Variants in CYP11B2 observed in about 807,000 individuals in gnomAD.
The protein encoded by CYP11B2 is cytochrome P450 family 11 subfamily B member 2, also known as cytochrome P450 11B2, mitochondrial.
A neutral mutation model predicts 49.3 loss-of-function variants in CYP11B2; 38 were observed. That is an observed-to-expected ratio of 0.77 (90% CI 0.59 to 1.01). CYP11B2 has a LOEUF of 1.01. Among genes scored for constraint, CYP11B2 ranks in the 50% least tolerant of loss-of-function variants. The pLI is 0.00. For missense variants in CYP11B2, 669 were observed against 655.5 expected (o/e 1.02, Z -0.23); for synonymous variants, 290 against 269.3 (o/e 1.08, Z -0.75).
chr8:142,914,868 A>C lies in CYP11B2; in HGVS notation c.636T>G (p.Val212=). 6.2e-7 allele frequency: 1 copy of C among 1,613,738 alleles called. No homozygotes were observed. The highest frequency in any genetic ancestry group is 1.1e-5 in the South Asian group (1 of 91,048). ...GGCTGGCAGAACTGGGGCTGTGGCC[A>C]ACCAGGCCCAGCCGCTCTCCAAAAA... is the stretch of plus-strand genomic sequence containing the variant. ...LALFGERLGL[V]GHSPSSASLN... The change falls in exon 4 of 9, where the codon GTT becomes GTG. Residue 212 remains valine, a synonymous_variant. Coordinates refer to ENST00000323110, the MANE Select transcript of CYP11B2 (RefSeq NM_000498.3).
In CYP11B2 at chr8:142,914,796, C is replaced by A; in HGVS notation, c.708G>T (p.Gln236His). ...ACAGGCTCCTGGGCATGAACATGAG[C>A]TGGACGGTGGATTTGAACATGACCT... ...ALEVMFKSTVQLMFMPRSLSR... is the reference protein window; with the variant it reads ...ALEVMFKSTVHLMFMPRSLSR... The change falls in exon 4 of 9, where the codon CAG becomes CAT. Residue 236 changes from glutamine to histidine, a missense_variant. Transcript: ENST00000323110. 6.2e-7 allele frequency: 1 copy of A among 1,613,692 alleles called. No individual in the cohort carries two copies. The highest frequency in any genetic ancestry group is 8.5e-7 in the Non-Finnish European group (1 of 1,180,002).
chr8:142,911,518 T>G lies in CYP11B2; in HGVS notation c.*462A>C. 1 of 189,264 alleles carries G rather than the reference T, an allele frequency of 5.3e-6. No homozygotes were observed. The allele number at this position is 189,264 out of a possible 1,614,324, so 11.7% of individuals were successfully genotyped here. ...TGGGGTCAGGCTGCAGGAGGGAACT[T>G]GACTGGACTCTGAGATGCTGGGATC... is the stretch of plus-strand genomic sequence containing the variant. On this transcript the variant is annotated 3_prime_UTR_variant, in exon 9 of 9. Coordinates refer to ENST00000323110, the MANE Select transcript of CYP11B2 (RefSeq NM_000498.3).
rs2130326762 is a variant in CYP11B2, at chr8:142,913,407, G to A, written c.999C>T (p.Asn333=). ...LLMTLFELAR[N]PDVQQILRQE... ...GGCGCAGGATCTGCTGCACGTCGGG[G>A]TTCCGAGCCAGCTCAAAGAGCGTCA... The change falls in exon 6 of 9, where the codon AAC becomes AAT. Residue 333 remains asparagine, a synonymous_variant. Transcript: ENST00000323110. The A allele has an allele frequency of 1.9e-6, 3 of 1,613,984 alleles. No individual in the cohort carries two copies. The highest frequency in any genetic ancestry group is 2.2e-5 in the East Asian group (1 of 44,868).
At position 142,917,585 on chromosome 8, in the gene CYP11B2, G is replaced by T; in HGVS notation, c.239+17C>A. 6.2e-7 allele frequency: 1 copy of T among 1,613,988 alleles called. No homozygotes were observed. The highest frequency in any genetic ancestry group is 2.2e-5 in the East Asian group (1 of 44,880). Reference sequence around the variant, plus strand: ...AGGGATCTGGGTGTTCCCAGCGAGGGCCAGGGAGGGCTTTACCTGAAAATG... The same window carrying T: ...AGGGATCTGGGTGTTCCCAGCGAGGTCCAGGGAGGGCTTTACCTGAAAATG... On this transcript the variant is annotated intron_variant, in intron 1 of 8. Coordinates refer to ENST00000323110, the MANE Select transcript of CYP11B2 (RefSeq NM_000498.3).
At chr8:142,913,862 T>C (rs1173383901) in intron 5 of CYP11B2, 10 of 474,160 alleles carry the variant, frequency 2.1e-5, no homozygotes, top group Non-Finnish European at 4.2e-5. Flanking sequence ...TGCCCTCCCA[T>C]GCATCTACAT....
At chr8:142,913,784 T>TCCC (rs933321825) in intron 5 of CYP11B2, among the ~76,000 whole-genome samples, 2 of 152,106 alleles carry the variant, frequency 1.3e-5, no homozygotes, top group Non-Finnish European at 1.5e-5. Context: ...CATTGAGTTC[T>TCCC]CCCCACTGTG....
In CYP11B2 at chr8:142,910,673, G is replaced by T. The variant is rs984401179; in HGVS notation, c.*1307C>A. 6.6e-6 allele frequency: 1 copy of T among 152,142 alleles called. No individual in the cohort carries two copies. Among genetic ancestry groups the T allele is most frequent in the Non-Finnish European group, 1.5e-5 (1 of 68,046 alleles). The allele number at this position is 152,142 out of a possible 1,614,324, so 9.4% of individuals were successfully genotyped here. On this transcript the variant is annotated 3_prime_UTR_variant, in exon 9 of 9. Coordinates refer to ENST00000323110, the MANE Select transcript of CYP11B2 (RefSeq NM_000498.3). This position sits in a 1 kb window ranked among gnomAD's most constrained non-coding sequence, Gnocchi z 4.6. ...GCCATCTCTGAGGTCTGTGCACCTT[G>T]TTGCCCCCTTATTCCTTTCCCATGC...
In CYP11B2 at chr8:142,911,968, G is replaced by A; in HGVS notation, c.*12C>T. The A allele has an allele frequency of 6.2e-7, 1 of 1,613,952 alleles. No individual in the cohort carries two copies. Among genetic ancestry groups the A allele is most frequent in the Non-Finnish European group, 8.5e-7 (1 of 1,179,904 alleles). The stretch of plus-strand genomic sequence containing the variant: ...TGGTGGCCAGGCTGGGACCCTGGGT[G>A]CAGATGCAAGACTAGTTAATCGCTC... On this transcript the variant is annotated 3_prime_UTR_variant, in exon 9 of 9. Transcript: ENST00000323110.
rs1170607724 is a variant in CYP11B2, at chr8:142,914,422, T to C, written c.800-4A>G. On this transcript the variant is annotated splice_region_variant and splice_polypyrimidine_tract_variant and intron_variant, in intron 4 of 8. Transcript: ENST00000323110. ...ATTTTCTGGATACAGTTGTCACCTG[T>C]CCAGGGAGCAGGGGACAGCCCTCAG... is the stretch of plus-strand genomic sequence containing the variant. 1.9e-6 allele frequency: 3 copies of C among 1,609,586 alleles called. No individual in the cohort carries two copies. The highest frequency in any genetic ancestry group is 2.5e-6 in the Non-Finnish European group (3 of 1,177,304).
At chr8:142,914,683 C>G (rs1817607822) in intron 4 of CYP11B2, 22 bp downstream of exon 4, 1 of 1,573,750 alleles carries the variant, frequency 6.4e-7, no homozygotes, top group Non-Finnish European at 8.6e-7. Flanking sequence ...CCCCATAGCA[C>G]TGCCCGGGTC....
At chr8:142,914,502 A>T (rs1451175334) in intron 4 of CYP11B2, 84 bp from the exon 5 acceptor site, 9 of 1,477,914 alleles carry the variant, frequency 6.1e-6, no homozygotes, top group Admixed American at 5.8e-5. Context: ...GACTGCCCCG[A>T]CACCCAAATC....
chr8:142,913,274 C>T lies in CYP11B2; in HGVS notation c.1121+11G>A, dbSNP rs764420283. ...GGCCAGGGCCACAGGGAGGCCTCAGCCAGCACCCACCGCAAGGTCTCCTTG... is the reference window on the plus strand; with the variant it reads ...GGCCAGGGCCACAGGGAGGCCTCAGTCAGCACCCACCGCAAGGTCTCCTTG... On this transcript the variant is annotated intron_variant, in intron 6 of 8. Transcript: ENST00000323110. 2.2e-5 allele frequency: 35 copies of T among 1,612,662 alleles called. No individual in the cohort carries two copies. Among genetic ancestry groups the T allele is most frequent in the Non-Finnish European group, 2.6e-5 (31 of 1,179,766 alleles).
In CYP11B2 at chr8:142,913,450, G is replaced by C. The variant is rs1196030944; in HGVS notation, c.956C>G (p.Thr319Arg). 6.2e-7 allele frequency: 1 copy of C among 1,613,944 alleles called. No individual in the cohort carries two copies. Among genetic ancestry groups the C allele is most frequent in the Non-Finnish European group, 8.5e-7 (1 of 1,180,014 alleles). The change falls in exon 6 of 9, where the codon ACA becomes AGA. Residue 319 changes from threonine (T) to arginine (R), a missense_variant and splice_region_variant. Physicochemically the swap from Thr to Arg is moderately conservative, Grantham distance 71 (BLOSUM62 -1). Coordinates refer to ENST00000323110, the MANE Select transcript of CYP11B2 (RefSeq NM_000498.3). The stretch of plus-strand genomic sequence containing the variant: ...GAGCGTCATCAGCAAGGGAAACGCT[G>C]TCTACAGAAGCCATGTCTGCAGGGT... Reference protein sequence around the residue: ...MELTAGSVDTTAFPLLMTLFE... With the variant: ...MELTAGSVDTRAFPLLMTLFE...
chr8:142,911,663 T>G lies in CYP11B2; in HGVS notation c.*317A>C. 1.0e-5 allele frequency: 4 copies of G among 389,292 alleles called. No individual in the cohort carries two copies. The highest frequency in any genetic ancestry group is 1.9e-5 in the Non-Finnish European group (4 of 215,332). 24.1% of individuals were successfully genotyped at this position (389,292 alleles called of 1,614,324 possible). ...ATCACAGCACCCTTGCATGGCCTCA[T>G]GAGGAGCCTGGAGCCAGCGCTGGGA... On this transcript the variant is annotated 3_prime_UTR_variant, in exon 9 of 9. Transcript: ENST00000323110.
chr8:142,915,676 C>A (rs1328506385), intron 2 of CYP11B2, among the ~76,000 whole-genome samples: 1 of 130,806 alleles, frequency 7.6e-6, no homozygotes. Context: ...CTCCTCCCCA[C>A]CCTTCCCCGC....
At position 142,917,763 on chromosome 8, in the gene CYP11B2, A is replaced by C. The variant is rs201423805; in HGVS notation, c.78T>G (p.Thr26=). The C allele has an allele frequency of 4.0e-5, 65 of 1,614,186 alleles. No homozygotes were observed. The highest frequency in any genetic ancestry group is 4.2e-5 in the Non-Finnish European group (49 of 1,180,040). ...LSLQRARALG[T]RAARAPRTVL... ...CCGTCCTAGGGGCCCGAGCGGCTCT[A>C]GTGCCCAGTGCCCGTGCCCTTTGCA... is the stretch of plus-strand genomic sequence containing the variant. Residue 26 remains threonine, a synonymous_variant, in exon 1 of 9, where the codon ACT becomes ACG. Transcript: ENST00000323110.
At position 142,915,227 on chromosome 8, in the gene CYP11B2, G is replaced by A. The variant is rs369108075; in HGVS notation, c.414C>T (p.Arg138=). Residue 138 remains arginine (R), a synonymous_variant, in exon 3 of 9, where the codon CGC becomes CGT. Transcript: ENST00000323110. ...GVFLLNGPEW[R]FNRLRLNPDV... ...CTGGGTTCAGCCGCAATCGGTTGAA[G>A]CGCCATTCAGGCCCATTCCTACAGA... The A allele has an allele frequency of 9.8e-5, 158 of 1,613,478 alleles. No homozygotes were observed. The African/African-American group carries it at 1.9e-3, about 19-fold the overall frequency.
intron 1 of CYP11B2, 108 bp downstream of exon 1, chr8:142,917,493 GC>G: frequency 6.2e-7 from 1 of 1,613,122 alleles, no homozygotes; most frequent in South Asian, 1.1e-5. Flanking sequence ...TCCAAAGGAT[GC>G]AGAGTGCCGG....
In CYP11B2 at chr8:142,911,126, A is replaced by G. The variant is rs1006012671; in HGVS notation, c.*854T>C. The G allele has an allele frequency of 1.3e-5, 2 of 152,208 alleles. No homozygotes were observed. Among genetic ancestry groups the G allele is most frequent in the African/African-American group, 4.8e-5 (2 of 41,440 alleles). The allele number at this position is 152,208 out of a possible 1,614,324, so 9.4% of individuals were successfully genotyped here. A position where few individuals can be genotyped will look rare whatever the true frequency, so the allele number is the denominator to read the frequency against. The stretch of plus-strand genomic sequence containing the variant: ...CCAGAGGAATGAGTCAATAAAACTC[A>G]TCTGAGTCCTTGTTGGCCCAATCCT... On this transcript the variant is annotated 3_prime_UTR_variant, in exon 9 of 9. Transcript: ENST00000323110.
Sources: allele counts gnomAD v4.1 joint callset (sites outside exome capture counted in the v4.1 genomes callset), GRCh38; gene constraint gnomAD v4.1.1; non-coding constraint Gnocchi (gnomAD v3.1); transcripts MANE v1.5; gene names NCBI Gene and HGNC (gene_info 2026-07-23, HGNC 2026-07-21).